SIM1: variants seen among roughly 807,000 people sequenced by gnomAD.
SIM1 encodes single-minded homolog 1.
Under a neutral mutation model 78.2 loss-of-function variants are expected in SIM1, and 18 were observed. The observed-to-expected ratio is 0.23, with a 90% CI of 0.16 to 0.34. SIM1 has a LOEUF of 0.34. Among genes scored for constraint, SIM1 ranks in the 10% least tolerant of loss-of-function variants. SIM1 has a pLI of 1.00. For missense variants in SIM1, 939 were observed against 975.1 expected (o/e 0.96, Z 0.49); for synonymous variants, 417 against 385.2 (o/e 1.08, Z -0.97).
intron 9 of SIM1, chr6:100,427,054 C>T: frequency 6.6e-6 from 1 of 152,218 alleles, no homozygotes; most frequent in East Asian, 1.9e-4. Context: ...TTACAGTAAA[C>T]TTTTTAATTG....
chr6:100,420,925 C>T lies in SIM1; in HGVS notation c.1032G>A (p.Leu344=). Residue 344 remains leucine, a synonymous_variant, in exon 10 of 12, where the codon CTG becomes CTA. Coordinates refer to ENST00000369208, the MANE Select transcript of SIM1 (RefSeq NM_005068.3). The part of the protein sequence containing the change: ...DTEYKGLQLS[L]DQISASKPAF... ...CTGGTTTGGAGGCTGAGATCTGATC[C>T]AGGGAGAGCTGCAGCCCTTTGTATT... 6.2e-7 allele frequency: 1 copy of T among 1,613,796 alleles called. No individual in the cohort carries two copies. The highest frequency in any genetic ancestry group is 8.5e-7 in the Non-Finnish European group (1 of 1,179,920).
Position 100,393,497 on chromosome 6 carries a change from G to A in SIM1, c.1560C>T (p.His520=), listed in dbSNP as rs1227697948. 6.5e-7 allele frequency: 1 copy of A among 1,535,430 alleles called. No individual in the cohort carries two copies. Among genetic ancestry groups the A allele is most frequent in the Non-Finnish European group, 8.8e-7 (1 of 1,138,036 alleles). The change falls in exon 11 of 12, where the codon CAC becomes CAT. Residue 520 remains histidine, a synonymous_variant. Coordinates refer to ENST00000369208, the MANE Select transcript of SIM1 (RefSeq NM_005068.3). ...ENSMPHIASV[H]RIHGRGHWDE... ...TTCACCTGCTCTTACCATGGATCCT[G>A]TGGACTGAAGCGATGTGAGGCATGC... is the stretch of plus-strand genomic sequence containing the variant.
chr6:100,455,742 G>A (rs367672003), intron 2 of SIM1, among the ~76,000 whole-genome samples: 35 of 152,312 alleles, frequency 2.3e-4, no homozygotes, highest in East Asian at 1.2e-3. Flanking sequence ...ACTGCGTTGC[G>A]ACTGGGGACA....
At chr6:100,401,368 C>T (rs1374061279) in intron 10 of SIM1, among the ~76,000 whole-genome samples, 1 of 151,962 alleles carries the variant, frequency 6.6e-6, no homozygotes, top group Admixed American at 6.6e-5. Flanking sequence ...ATAACAAATG[C>T]TATTAGGGAT....
rs758039403 is a variant in SIM1, at chr6:100,448,210, C to T, written c.786G>A (p.Glu262=). The stretch of plus-strand genomic sequence containing the variant: ...CGTGCACATGGTGGTACAGAGTCTT[C>T]TCAATCAGGTCCTGAGGTTCGTACC... ...LTGYEPQDLI[E]KTLYHHVHGC... Residue 262 remains glutamate, a synonymous_variant, in exon 8 of 12, where the codon GAG becomes GAA. Coordinates refer to ENST00000369208, the MANE Select transcript of SIM1 (RefSeq NM_005068.3). The T allele has an allele frequency of 3.1e-6, 5 of 1,613,956 alleles. No individual in the cohort carries two copies. In the East Asian group the frequency reaches 8.9e-5, roughly 29 times the overall value.
At chr6:100,424,994 A>G (rs1025724307) in intron 9 of SIM1, among the ~76,000 whole-genome samples, 1 of 152,142 alleles carries the variant, frequency 6.6e-6, no homozygotes, top group Non-Finnish European at 1.5e-5. Flanking sequence ...CCGAAATATC[A>G]ACTTGAATTG....
intron 10 of SIM1, among the ~76,000 whole-genome samples, chr6:100,408,062 A>G (rs1267054371): frequency 2.0e-5 from 3 of 152,090 alleles, no homozygotes; most frequent in Non-Finnish European, 4.4e-5. Context: ...ATCAAGACCT[A>G]TGTCAAGGAG....
Position 100,449,395 on chromosome 6 carries a change from G to T in SIM1, c.511C>A (p.Arg171Ser). Residue 171 changes from arginine (R) to serine (S), a missense_variant, in exon 6 of 12, where the codon CGT becomes AGT. By Grantham distance (110) the Arg-to-Ser change is moderately radical. Around this residue, in one of 5 missense-constraint regions of SIM1, gnomAD observed 187 missense variants for 191.6 expected, o/e 0.98. Coordinates refer to ENST00000369208, the MANE Select transcript of SIM1 (RefSeq NM_005068.3). ...CCGCCACAGGTGAGGCCGGCGTTAC[G>T]CTTGGCCAAGACGCACTTCATCCTC... is the stretch of plus-strand genomic sequence containing the variant. ...FLRMKCVLAK[R>S]NAGLTCGGYK... The T allele has an allele frequency of 6.2e-7, 1 of 1,614,014 alleles. No individual in the cohort carries two copies. The highest frequency in any genetic ancestry group is 8.5e-7 in the Non-Finnish European group (1 of 1,179,948).
intron 7 of SIM1, 58 bp from the exon 8 acceptor site, chr6:100,448,310 C>A: frequency 6.9e-7 from 1 of 1,448,684 alleles, no homozygotes; most frequent in Non-Finnish European, 9.5e-7. Context: ...ATGCCCTCCC[C>A]ACACACCCTC....
intron 9 of SIM1, among the ~76,000 whole-genome samples, chr6:100,422,499 G>A (rs569840679): frequency 1.7e-4 from 26 of 152,148 alleles, no homozygotes; most frequent in East Asian, 1.4e-3. Flanking sequence ...CACTGCACCC[G>A]GCCTAAAACC....
At chr6:100,452,400 T>C (rs1582321363) in intron 3 of SIM1, among the ~76,000 whole-genome samples, 1 of 152,310 alleles carries the variant, frequency 6.6e-6, no homozygotes, top group South Asian at 2.1e-4. Context: ...TGGCATGCGA[T>C]TGCCCCTCCT....
chr6:100,419,454 GAAC>G (rs1218116469), intron 10 of SIM1, among the ~76,000 whole-genome samples: 1 of 152,058 alleles, frequency 6.6e-6, no homozygotes, highest in Non-Finnish European at 1.5e-5. Context: ...CTGGTTCAGT[GAAC>G]AACATTTTCT....
At chr6:100,433,012 A>C (rs1562248531) in intron 9 of SIM1, among the ~76,000 whole-genome samples, 1 of 152,028 alleles carries the variant, frequency 6.6e-6, no homozygotes, top group Non-Finnish European at 1.5e-5. Context: ...CTATCTGCAA[A>C]TCCCATTGGG....
rs145208573 is a variant in SIM1, at chr6:100,447,728, G to A, written c.851-313C>T. Among the ~76,000 whole-genome samples, 931 of 152,320 alleles carry A rather than the reference G, an allele frequency of 6.1e-3. 9 individuals are homozygous for A. Among genetic ancestry groups the A allele is most frequent in the African/African-American group, 0.021 (881 of 41,576 alleles). ...TTTCTAACTACGGAAGTAAGGCTCT[G>A]GGCAGCTGAGCTCCGGCGCTCACGA... is the stretch of plus-strand genomic sequence containing the variant. On this transcript the variant is annotated intron_variant, in intron 8 of 11. Transcript: ENST00000369208.
At chr6:100,422,417 G>A (rs1562244155) in intron 9 of SIM1, among the ~76,000 whole-genome samples, 3 of 151,952 alleles carry the variant, frequency 2.0e-5, no homozygotes, top group Admixed American at 6.6e-5. Context: ...TTGGCCAGGC[G>A]GTCTCGAACT....
At chr6:100,433,557 T>G (rs1381407070) in intron 9 of SIM1, among the ~76,000 whole-genome samples, 1 of 152,152 alleles carries the variant, frequency 6.6e-6, no homozygotes, top group Non-Finnish European at 1.5e-5. Flanking sequence ...ATAAGTACTT[T>G]ATAAGTATAT....
At chr6:100,412,599 GAAAGAAAGAAAGGAAAGAAA>G (rs1562239555) in intron 10 of SIM1, among the ~76,000 whole-genome samples, 6 of 86,492 alleles carry the variant, frequency 6.9e-5, no homozygotes, top group African/African-American at 2.5e-4. Flanking sequence ...AAGAAAGAAA[GAAAGAAAGAAAGGAAAGAAA>G]GAAGGAAAGA....
Position 100,453,794 on chromosome 6 carries a change from C to G in SIM1, c.226G>C (p.Val76Leu), listed in dbSNP as rs756912317. 6.2e-7 allele frequency: 1 copy of G among 1,612,026 alleles called. No individual in the cohort carries two copies. The highest frequency in any genetic ancestry group is 1.3e-5 in the African/African-American group (1 of 74,722). ...HSSRTSPLDN[V>L]GRELGSHLLQ... ...AGATGGGAGCCCAGTTCTCGGCCAA[C>G]GTTGTCCAGGGGGCTGGTCCGACTT... is the stretch of plus-strand genomic sequence containing the variant. The change falls in exon 3 of 12, where the codon GTT becomes CTT. Residue 76 changes from valine (V) to leucine (L), a missense_variant. Coordinates refer to ENST00000369208, the MANE Select transcript of SIM1 (RefSeq NM_005068.3).
chr6:100,445,809 C>T (rs559416721), intron 9 of SIM1, among the ~76,000 whole-genome samples: 8 of 152,146 alleles, frequency 5.3e-5, no homozygotes, highest in African/African-American at 9.6e-5. Flanking sequence ...CCATGGTAAG[C>T]GGACATAATT....
Sources: allele counts gnomAD v4.1 joint callset (sites outside exome capture counted in the v4.1 genomes callset), GRCh38; gene constraint gnomAD v4.1.1; regional missense constraint gnomAD v4.1.1; transcripts MANE v1.5; gene names NCBI Gene and HGNC (gene_info 2026-07-23, HGNC 2026-07-21).